The following KCNAB1 variants were observed in gnomAD, a reference collection of about 807,000 sequenced individuals.
KCNAB1 encodes the protein voltage-gated potassium channel subunit beta-1.
In KCNAB1, 35 loss-of-function variants were observed where a neutral mutation model predicts 64.6. The ratio of observed to expected loss-of-function variants is 0.54; its 90% CI spans 0.41 to 0.72. KCNAB1 has a LOEUF of 0.72. Ranked by LOEUF, KCNAB1 falls within the 30% of genes least tolerant of loss-of-function variation. The probability of loss-of-function intolerance (pLI) is 0.00; values close to 1 mark genes in which losing one functional copy is unlikely to be tolerated. For synonymous variants in KCNAB1, 177 were observed against 183.8 expected, an observed-to-expected ratio of 0.96 and a Z score of 0.30; for missense variants, 401 against 512.9, an observed-to-expected ratio of 0.78 and a Z score of 2.11.
chr3:156,298,029 T>G (rs1241450628), intron 1 of KCNAB1, among the ~76,000 whole-genome samples: 3 of 152,188 alleles, frequency 2.0e-5, no homozygotes, highest in African/African-American at 7.2e-5. Flanking sequence ...CACCCATGGG[T>G]ATGGGCTTTC....
intron 1 of KCNAB1, among the ~76,000 whole-genome samples, chr3:156,399,869 T>G (rs1713759276): frequency 6.6e-6 from 1 of 152,178 alleles, no homozygotes; most frequent in Non-Finnish European, 1.5e-5. Flanking sequence ...AGTATAAAAT[T>G]ACCGCACCAC....
intron 1 of KCNAB1, among the ~76,000 whole-genome samples, chr3:156,302,506 A>G (rs989263579): frequency 1.3e-5 from 2 of 152,232 alleles, no homozygotes; most frequent in African/African-American, 4.8e-5. Flanking sequence ...GAAGCAAGGC[A>G]GCAAAAAGAA....
chr3:156,473,605 G>A lies in KCNAB1; in HGVS notation c.572-1129G>A, dbSNP rs150366697. On this transcript the variant is annotated intron_variant, in intron 7 of 13. Coordinates refer to ENST00000490337, the MANE Select transcript of KCNAB1 (RefSeq NM_172160.3). ...AAGCTTTTAACAAGCTACCATCACA[G>A]ACAATCCTTTCTCAATGGATGGAAA... is the stretch of plus-strand genomic sequence containing the variant. 2.0e-3 allele frequency among the ~76,000 whole-genome samples: 301 copies of A among 152,222 alleles called. 1 individual carries two copies. Among genetic ancestry groups the A allele is most frequent in the African/African-American group, 7.0e-3 (291 of 41,548 alleles).
At chr3:156,469,041 G>GT (rs1254601578) in intron 7 of KCNAB1, among the ~76,000 whole-genome samples, 1 of 152,128 alleles carries the variant, frequency 6.6e-6, no homozygotes, top group Non-Finnish European at 1.5e-5. Context: ...AAAAGTTCTT[G>GT]TTTTTTGTTC....
chr3:156,460,678 T>C (rs1030441000), intron 5 of KCNAB1: 3 of 152,230 alleles, frequency 2.0e-5, no homozygotes, highest in African/African-American at 7.2e-5. Flanking sequence ...TGTAATGATA[T>C]TAGTGAAGAC....
chr3:156,298,537 A>G (rs1720943383), intron 1 of KCNAB1, among the ~76,000 whole-genome samples: 1 of 152,258 alleles, frequency 6.6e-6, no homozygotes, highest in South Asian at 2.1e-4. Context: ...CACATTCAAA[A>G]GGAAAATCAG....
chr3:156,219,643 T>A (rs1161926328), intron 1 of KCNAB1, among the ~76,000 whole-genome samples: 1 of 151,892 alleles, frequency 6.6e-6, no homozygotes. Context: ...TGTCATCACC[T>A]GGGCACATAG....
rs1174761514 is a variant in KCNAB1, at chr3:156,169,078, A to AT, written c.275+48199dup. Among the ~76,000 whole-genome samples the AT allele has an allele frequency of 3.3e-5, 5 of 152,274 alleles. No homozygotes were observed. The South Asian group carries it at 6.2e-4, about 19-fold the overall frequency. ...ATTATTGTAATTTACTGTTAAATTG[A>AT]TTTTTTTACACTTAAGAAATCTTCG... is the stretch of plus-strand genomic sequence containing the variant. On this transcript the variant is annotated intron_variant, in intron 1 of 13. Transcript: ENST00000490337.
rs111949916 is a variant in KCNAB1 at position 156,272,117 on chromosome 3, G to A, written c.276-149499G>A. 2.8e-3 allele frequency among the ~76,000 whole-genome samples: 419 copies of A among 152,336 alleles called. 3 individuals carry two copies. Among genetic ancestry groups the A allele is most frequent in the African/African-American group, 9.0e-3 (373 of 41,574 alleles). ...GGGGAGGAGTGACACCAGCACCCCC[G>A]TGGCTACCACCACTGGGATTGTACT... On this transcript the variant is annotated intron_variant, in intron 1 of 13. Transcript: ENST00000490337.
chr3:156,325,331 G>A (rs1343341500), intron 1 of KCNAB1, among the ~76,000 whole-genome samples: 2 of 152,104 alleles, frequency 1.3e-5, no homozygotes, highest in South Asian at 2.1e-4. Flanking sequence ...TCCCACTGTA[G>A]TGTTCATTCT....
At chr3:156,426,046 A>T (rs1315157298) in intron 2 of KCNAB1, among the ~76,000 whole-genome samples, 1 of 152,198 alleles carries the variant, frequency 6.6e-6, no homozygotes, top group African/African-American at 2.4e-5. Flanking sequence ...TATGAGTACA[A>T]GGTATTGGGG....
At chr3:156,443,268 T>G (rs1394425888) in intron 2 of KCNAB1, among the ~76,000 whole-genome samples, 1 of 152,008 alleles carries the variant, frequency 6.6e-6, no homozygotes, top group Non-Finnish European at 1.5e-5. Flanking sequence ...AAGCTTATCA[T>G]AAGGAAGGAA....
At chr3:156,252,914 T>C (rs1717913774) in intron 1 of KCNAB1, among the ~76,000 whole-genome samples, 1 of 152,212 alleles carries the variant, frequency 6.6e-6, no homozygotes, top group Non-Finnish European at 1.5e-5. Context: ...CTGAATTCTT[T>C]CAAATGACCT....
rs141813112 is a variant in KCNAB1 at position 156,149,904 on chromosome 3, G to A, written c.275+29018G>A. 3.1e-3 allele frequency among the ~76,000 whole-genome samples: 470 copies of A among 152,232 alleles called. 5 individuals carry two copies. Among genetic ancestry groups the A allele is most frequent in the African/African-American group, 0.011 (450 of 41,534 alleles). On this transcript the variant is annotated intron_variant, in intron 1 of 13. Transcript: ENST00000490337. ...GACCTGCCCTTTTCATGAGACACTT[G>A]GCACACTCAGACCTGCTTGAAAAGT...
chr3:156,219,403 CAA>C, intron 1 of KCNAB1, among the ~76,000 whole-genome samples: 1 of 151,494 alleles, frequency 6.6e-6, no homozygotes, highest in Non-Finnish European at 1.5e-5. Context: ...CCTAATCCGT[CAA>C]AGACAAAGAA....
At chr3:156,198,416 G>T (rs1251676969) in intron 1 of KCNAB1, among the ~76,000 whole-genome samples, 1 of 152,044 alleles carries the variant, frequency 6.6e-6, no homozygotes, top group Non-Finnish European at 1.5e-5. Context: ...TTATTGTGTG[G>T]GAGTCTAAGT....
At position 156,131,774 on chromosome 3, in the gene KCNAB1, G is replaced by T. The variant is rs894516734; in HGVS notation, c.275+10888G>T. Among the ~76,000 whole-genome samples the T allele has an allele frequency of 3.3e-5, 5 of 152,188 alleles. No individual in the cohort carries two copies. In the South Asian group the frequency reaches 1.0e-3, roughly 32 times the overall value. On this transcript the variant is annotated intron_variant, in intron 1 of 13. Coordinates refer to ENST00000490337, the MANE Select transcript of KCNAB1 (RefSeq NM_172160.3). ...AAGAGAAAGTTTGTTTCTTACTTATGCAAGTCCGACCAGGGGTGGGAAGGG... is the reference window on the plus strand; with the variant it reads ...AAGAGAAAGTTTGTTTCTTACTTATTCAAGTCCGACCAGGGGTGGGAAGGG...
chr3:156,185,752 C>T (rs966728453), intron 1 of KCNAB1, among the ~76,000 whole-genome samples: 9 of 151,274 alleles, frequency 5.9e-5, no homozygotes, highest in East Asian at 1.9e-4. Context: ...TTTTTTTTCT[C>T]GTATAGGGAG....
chr3:156,458,125 G>T lies in KCNAB1; in HGVS notation c.437+593G>T, dbSNP rs1712589047. Among the ~76,000 whole-genome samples, 3 of 152,308 alleles carry T rather than the reference G, an allele frequency of 2.0e-5. No homozygotes were observed. The South Asian group carries it at 6.2e-4, about 32-fold the overall frequency. ...GAGGGGATCTCAGAGCCCATTCTGA[G>T]GACAGGAAGGGCTGCAGAGAGTCCT... On this transcript the variant is annotated intron_variant, in intron 4 of 13. Transcript: ENST00000490337.
Sources: allele counts gnomAD v4.1 joint callset (sites outside exome capture counted in the v4.1 genomes callset), GRCh38; gene constraint gnomAD v4.1.1; transcripts MANE v1.5; gene names NCBI Gene and HGNC (gene_info 2026-07-23, HGNC 2026-07-21).